Variants in COL14A1 observed in about 807,000 individuals in gnomAD.
COL14A1 encodes collagen alpha-1(XIV) chain.
Under a neutral mutation model 230.3 loss-of-function variants are expected in COL14A1, and 136 were observed. The ratio of observed to expected loss-of-function variants is 0.59; its 90% CI spans 0.51 to 0.68. The LOEUF (loss-of-function observed/expected upper bound fraction) is 0.68. COL14A1 is among the 30% of genes least tolerant of loss of function. COL14A1 has a pLI of 0.00. For missense variants in COL14A1, 1,976 were observed against 2,215.8 expected, an observed-to-expected ratio of 0.89 and a Z score of 2.17; for synonymous variants, 792 against 784.1, an observed-to-expected ratio of 1.01 and a Z score of -0.17.
intron 36 of COL14A1, among the ~76,000 whole-genome samples, chr8:120,303,385 T>C (rs1211644672): frequency 1.3e-5 from 2 of 152,208 alleles, no homozygotes; most frequent in Non-Finnish European, 2.9e-5. Flanking sequence ...TTGTCATATA[T>C]GGCTCTTATT....
At chr8:120,340,058 AG>A (rs1204472093) in intron 42 of COL14A1, among the ~76,000 whole-genome samples, 2 of 130,696 alleles carry the variant, frequency 1.5e-5, no homozygotes, top group Non-Finnish European at 3.3e-5. Flanking sequence ...AAAAAAAAAA[AG>A]TGTGTGGGTG....
At position 120,332,699 on chromosome 8, in the gene COL14A1, A is replaced by G. The variant is rs1394368753; in HGVS notation, c.4749A>G (p.Thr1583=). 1 of 1,613,524 alleles carries G rather than the reference A, an allele frequency of 6.2e-7. No individual in the cohort carries two copies. Among genetic ancestry groups the G allele is most frequent in the Non-Finnish European group, 8.5e-7 (1 of 1,179,622 alleles). Reference sequence around the variant, plus strand: ...GCACCCCTGGAGTCCCAGGGATCACAGGAAGCATGGGACCGCAAGGCGCCC... The same window carrying G: ...GCACCCCTGGAGTCCCAGGGATCACGGGAAGCATGGGACCGCAAGGCGCCC... ...IPGTPGVPGI[T]GSMGPQGALG... The change falls in exon 42 of 48, where the codon ACA becomes ACG. Residue 1583 remains threonine, a synonymous_variant. Transcript: ENST00000297848.
Position 120,289,745 on chromosome 8 carries a change from A to G in COL14A1, c.4215A>G (p.Gly1405=), listed in dbSNP as rs200713175. 3 of 1,613,724 alleles carry G rather than the reference A, an allele frequency of 1.9e-6. No individual in the cohort carries two copies. The highest frequency in any genetic ancestry group is 1.7e-6 in the Non-Finnish European group (2 of 1,179,822). Residue 1405 remains glycine (G), a synonymous_variant, in exon 34 of 48, where the codon GGA becomes GGG. Transcript: ENST00000297848. ...TAGGGAAAATGGTTCGATCAAGAGG[A>G]CCAGGTGGAAACTCTGCACCGGTAA... ...EVLGKMVRSR[G]PGGNSAPFQL...
At chr8:120,252,909 C>T (rs752333753) in intron 22 of COL14A1, among the ~76,000 whole-genome samples, 1 of 152,106 alleles carries the variant, frequency 6.6e-6, no homozygotes, top group South Asian at 2.1e-4. Context: ...AACTCTCTGT[C>T]GTGGAATATC....
intron 45 of COL14A1, among the ~76,000 whole-genome samples, chr8:120,346,204 C>A (rs371124113): frequency 6.2e-5 from 9 of 144,042 alleles, no homozygotes; most frequent in African/African-American, 2.5e-4. Flanking sequence ...TTCCTTAAAA[C>A]AGAGATTCTA....
At chr8:120,211,576 A>C (rs1817616495) in intron 12 of COL14A1, among the ~76,000 whole-genome samples, 1 of 152,170 alleles carries the variant, frequency 6.6e-6, no homozygotes, top group South Asian at 2.1e-4. Flanking sequence ...TGAATATATT[A>C]GTTTTTTAAA....
At chr8:120,247,501 T>C (rs1818801633) in intron 20 of COL14A1, 112 bp from the exon 21 acceptor site, 1 of 1,048,774 alleles carries the variant, frequency 9.5e-7, no homozygotes, top group East Asian at 2.7e-5. Flanking sequence ...ACTTTCACTT[T>C]TAAATATTTT....
rs751642976 is a variant in COL14A1, at chr8:120,225,082, T to C, written c.1738-6T>C. On this transcript the variant is annotated splice_region_variant and splice_polypyrimidine_tract_variant and intron_variant, in intron 14 of 47. Coordinates refer to ENST00000297848, the MANE Select transcript of COL14A1 (RefSeq NM_021110.4). ...GAGCTGTTATTATGACTTATTTCTT[T>C]GACAGGTTGAAGTCGATCCTATTAC... 5 of 1,607,984 alleles carry C rather than the reference T, an allele frequency of 3.1e-6. No homozygotes were observed. In the African/African-American group the frequency reaches 5.4e-5, roughly 17 times the overall value.
At chr8:120,198,768 T>A (rs1004821151) in intron 7 of COL14A1, among the ~76,000 whole-genome samples, 1 of 152,214 alleles carries the variant, frequency 6.6e-6, no homozygotes, top group African/African-American at 2.4e-5. Flanking sequence ...GATGAAGCAA[T>A]GTAGATGTTG....
intron 2 of COL14A1, among the ~76,000 whole-genome samples, chr8:120,154,962 G>T (rs1419615448): frequency 1.3e-5 from 2 of 152,098 alleles, no homozygotes; most frequent in African/African-American, 4.8e-5. Flanking sequence ...CTTCTGAAAG[G>T]GGGAAAAAAC....
At position 120,279,969 on chromosome 8, in the gene COL14A1, A is replaced by T. The variant is rs1563714349; in HGVS notation, c.3516A>T (p.Ala1172=). Residue 1172 remains alanine (A), a synonymous_variant, in exon 29 of 48, where the codon GCA becomes GCT. Transcript: ENST00000297848. ...TTTTTGCAATTGGTGTGGCCGATGCAGATTACTCGGAGTTGGTTAGCATTG... is the reference window on the plus strand; with the variant it reads ...TTTTTGCAATTGGTGTGGCCGATGCTGATTACTCGGAGTTGGTTAGCATTG... ...YSIFAIGVAD[A]DYSELVSIGS... is the part of the protein sequence containing the mutation. 6 of 1,613,638 alleles carry T rather than the reference A, an allele frequency of 3.7e-6. No individual in the cohort carries two copies. Among genetic ancestry groups the T allele is most frequent in the Non-Finnish European group, 8.5e-7 (1 of 1,179,824 alleles).
At chr8:120,297,680 C>T in intron 35 of COL14A1, 92 bp downstream of exon 35, 1 of 621,296 alleles carries the variant, frequency 1.6e-6, no homozygotes, top group Middle Eastern at 4.8e-4. Context: ...ATATCATAGG[C>T]AACTCGTTGA....
At chr8:120,266,804 T>C in intron 24 of COL14A1, 23 bp from the exon 25 acceptor site, 1 of 1,602,646 alleles carries the variant, frequency 6.2e-7, no homozygotes, top group Non-Finnish European at 8.5e-7. Context: ...TGAACTGATG[T>C]CCTTTCTCCC....
chr8:120,329,154 A>G (rs1427855214), intron 40 of COL14A1, among the ~76,000 whole-genome samples: 1 of 152,242 alleles, frequency 6.6e-6, no homozygotes, highest in Non-Finnish European at 1.5e-5. Context: ...ATTTTAAAAA[A>G]TGAGTTAGGT....
In COL14A1 at chr8:120,266,848, C is replaced by T; in HGVS notation, c.3038C>T (p.Pro1013Leu). 6.2e-7 allele frequency: 1 copy of T among 1,612,330 alleles called. No individual in the cohort carries two copies. Among genetic ancestry groups the T allele is most frequent in the South Asian group, 1.1e-5 (1 of 91,014 alleles). The change falls in exon 25 of 48, where the codon CCA becomes CTA. Residue 1013 changes from proline to leucine, a missense_variant. Pro to Leu is a moderately conservative substitution (Grantham distance 98, BLOSUM62 -3). This residue lies in a region of COL14A1 where 1,791 missense variants were observed against 2,019.5 expected (regional missense o/e 0.89). Transcript: ENST00000297848. ...ACAGAATCACTTCCTACACGACCAC[C>T]AACTTTTCCTCCAACCATTCCACCA... is the stretch of plus-strand genomic sequence containing the variant. ...EKTQSLPTRP[P>L]TFPPTIPPAK... is the part of the protein sequence containing the mutation.
chr8:120,262,671 A>G (rs1210126646), intron 23 of COL14A1, among the ~76,000 whole-genome samples, 197 bp from the exon 24 acceptor site: 1 of 152,130 alleles, frequency 6.6e-6, no homozygotes, highest in Admixed American at 6.6e-5. Context: ...ATAAAATGTG[A>G]TTTTCCATAG....
At position 120,129,874 on chromosome 8, in the gene COL14A1, C is replaced by T. The variant is rs185944309; in HGVS notation, c.-38+4534C>T. On this transcript the variant is annotated intron_variant, in intron 1 of 47. Transcript: ENST00000297848. ...TAAATCAATCAATATTTACTGATTG[C>T]CTATGTGTGTTGAACTTTCTTGAAT... Among the ~76,000 whole-genome samples, 60 of 152,298 alleles carry T rather than the reference C, an allele frequency of 3.9e-4. 1 individual carries two copies. In the Middle Eastern group the frequency reaches 0.027, roughly 69 times the overall value.
intron 34 of COL14A1, among the ~76,000 whole-genome samples, chr8:120,295,764 T>C (rs1820507859): frequency 6.6e-6 from 1 of 151,870 alleles, no homozygotes; most frequent in South Asian, 2.1e-4. Flanking sequence ...TACTAACTCA[T>C]TTAATCCTCA....
At chr8:120,241,831 T>A (rs1179280853) in intron 19 of COL14A1, among the ~76,000 whole-genome samples, 1 of 152,190 alleles carries the variant, frequency 6.6e-6, no homozygotes, top group Non-Finnish European at 1.5e-5. Flanking sequence ...GGGCCTCAGT[T>A]TTCTCATCTG....
Sources: allele counts gnomAD v4.1 joint callset (sites outside exome capture counted in the v4.1 genomes callset), GRCh38; gene constraint gnomAD v4.1.1; regional missense constraint gnomAD v4.1.1; transcripts MANE v1.5; gene names NCBI Gene and HGNC (gene_info 2026-07-23, HGNC 2026-07-21).